The following ATG2B variants were observed in gnomAD, a reference collection of about 807,000 sequenced individuals.
The protein encoded by ATG2B is autophagy-related protein 2 homolog B.
ATG2B carries 121 observed loss-of-function variants against 241.3 expected under a neutral mutation model. That is an observed-to-expected ratio of 0.50 (90% confidence interval 0.43 to 0.58). The LOEUF (loss-of-function observed/expected upper bound fraction) is 0.58, where lower values mean the gene tolerates loss of function less well. Ranked by LOEUF, ATG2B falls within the 20% of genes least tolerant of loss-of-function variation. The pLI is 0.00. For synonymous variants in ATG2B, 858 were observed against 876.6 expected, an observed-to-expected ratio of 0.98 and a Z score of 0.37; for missense variants, 2,306 against 2,491.6, an observed-to-expected ratio of 0.93 and a Z score of 1.59.
intron 34 of ATG2B, among the ~76,000 whole-genome samples, chr14:96,297,750 T>A (rs1886686582): frequency 6.6e-6 from 1 of 152,136 alleles, no homozygotes; most frequent in East Asian, 1.9e-4. Context: ...TTGGTATTTA[T>A]GCTAAACTCT....
intron 1 of ATG2B, among the ~76,000 whole-genome samples, chr14:96,360,071 C>T (rs987329078): frequency 6.6e-6 from 1 of 152,138 alleles, no homozygotes; most frequent in Admixed American, 6.5e-5. Context: ...TAGAATAAAA[C>T]CAGACCTTTA....
In ATG2B at chr14:96,317,135, T is replaced by G. The variant is rs1284236562; in HGVS notation, c.3210+10A>C. The G allele has an allele frequency of 6.3e-7, 1 of 1,593,300 alleles. No homozygotes were observed. The highest frequency in any genetic ancestry group is 8.6e-7 in the Non-Finnish European group (1 of 1,169,318). ...CATTTGAAAAAACACTTCGGATTTG[T>G]AAACCTCACCTTCACATCTGTGAAC... On this transcript the variant is annotated intron_variant, in intron 20 of 41. Transcript: ENST00000359933.
At position 96,285,487 on chromosome 14, in the gene ATG2B, A is replaced by T; in HGVS notation, c.*268T>A. 1 of 464,722 alleles carries T rather than the reference A, an allele frequency of 2.2e-6. No homozygotes were observed. Among genetic ancestry groups the T allele is most frequent in the South Asian group, 2.6e-5 (1 of 39,184 alleles). 28.8% of individuals were successfully genotyped at this position (464,722 alleles called of 1,614,324 possible). ...TAACAAGGAGAATTACAGTCATCTT[A>T]ACAAAAGTGAGCCTTCCACTAACTT... On this transcript the variant is annotated 3_prime_UTR_variant, in exon 42 of 42. Transcript: ENST00000359933. This position sits in a 1 kb window ranked among gnomAD's most constrained non-coding sequence, Gnocchi z 4.2.
chr14:96,298,537 A>T lies in ATG2B; in HGVS notation c.5140-2977T>A, dbSNP rs540795553. Among the ~76,000 whole-genome samples the T allele has an allele frequency of 5.3e-5, 8 of 152,354 alleles. No homozygotes were observed. The South Asian group carries it at 1.7e-3, about 32-fold the overall frequency. The stretch of plus-strand genomic sequence containing the variant: ...AAAACCATGGAACAACCTCAGTGTG[A>T]ACCAGCAGGTAAACAGATAAACCGT... On this transcript the variant is annotated intron_variant, in intron 34 of 41. Coordinates refer to ENST00000359933, the MANE Select transcript of ATG2B (RefSeq NM_018036.7).
At chr14:96,330,530 G>A (rs1415735998) in intron 11 of ATG2B, among the ~76,000 whole-genome samples, 3 of 151,880 alleles carry the variant, frequency 2.0e-5, no homozygotes, top group South Asian at 4.2e-4. Context: ...TTGGGAGACC[G>A]AGGCAGGTGG....
chr14:96,312,924 G>A, intron 25 of ATG2B, 141 bp downstream of exon 25: 1 of 452,268 alleles, frequency 2.2e-6, no homozygotes, highest in Non-Finnish European at 3.9e-6. Context: ...GAAAAATTGG[G>A]TAATTTGGGT....
chr14:96,295,457 C>T lies in ATG2B; in HGVS notation c.5218+25G>A, dbSNP rs942346199. ...AATCAATCCAAGTACTTGGTATAGT[C>T]TTTTCAACTATACATATTTAATACC... On this transcript the variant is annotated intron_variant, in intron 35 of 41. Coordinates refer to ENST00000359933, the MANE Select transcript of ATG2B (RefSeq NM_018036.7). 4.1e-6 allele frequency: 6 copies of T among 1,468,520 alleles called. No homozygotes were observed. In the African/African-American group the frequency reaches 8.5e-5, roughly 21 times the overall value. The allele number at this position is 1,468,520 out of a possible 1,614,324, so 91.0% of individuals were successfully genotyped here. A position where few individuals can be genotyped will look rare whatever the true frequency, so the allele number is the denominator to read the frequency against.
chr14:96,345,057 C>A (rs978163706), intron 3 of ATG2B, among the ~76,000 whole-genome samples, 176 bp downstream of exon 3: 14 of 150,320 alleles, frequency 9.3e-5, no homozygotes, highest in Non-Finnish European at 1.5e-4. Flanking sequence ...AAAAAAAAAA[C>A]AACATGCAAT....
Position 96,332,570 on chromosome 14 carries a change from C to T in ATG2B, c.1293G>A (p.Met431Ile). ...TACTAGTTAATGATAACTCAAGGTC[C>T]ATGTTTGGGGGGTCCCCAAGGGGTG... ...SLPPLGDPPN[M>I]DLELSLTSTY... is the part of the protein sequence containing the mutation. Residue 431 changes from methionine (M) to isoleucine (I), a missense_variant, in exon 9 of 42, where the codon ATG (methionine) becomes ATA (isoleucine). This residue lies in a region of ATG2B where 1,927 missense variants were observed against 2,011.2 expected (regional missense o/e 0.96). Coordinates refer to ENST00000359933, the MANE Select transcript of ATG2B (RefSeq NM_018036.7). 6.2e-7 allele frequency: 1 copy of T among 1,611,184 alleles called. No individual in the cohort carries two copies. Among genetic ancestry groups the T allele is most frequent in the Non-Finnish European group, 8.5e-7 (1 of 1,178,936 alleles).
chr14:96,353,881 G>A (rs1178838580), intron 1 of ATG2B, among the ~76,000 whole-genome samples: 2 of 151,954 alleles, frequency 1.3e-5, no homozygotes, highest in African/African-American at 2.4e-5. Context: ...AAAAAGACAC[G>A]ATGTTAAATT....
At chr14:96,341,925 G>T (rs907498399) in intron 5 of ATG2B, among the ~76,000 whole-genome samples, 11 of 151,942 alleles carry the variant, frequency 7.2e-5, no homozygotes, top group Non-Finnish European at 1.3e-4. Flanking sequence ...AGGACTTCAT[G>T]AAAAAAAGCA....
chr14:96,292,090 C>A lies in ATG2B; in HGVS notation c.5435G>T (p.Arg1812Ile). The A allele has an allele frequency of 6.3e-7, 1 of 1,585,870 alleles. No homozygotes were observed. Among genetic ancestry groups the A allele is most frequent in the East Asian group, 2.3e-5 (1 of 43,586 alleles). The part of the protein sequence containing the change: ...RDQPVFFREF[R>I]FTSEVPIRLD... ...TCGAATGGGAACTTCTGACGTGAAT[C>A]TAAATTCTCTGAAGATAAAGGAAGG... Residue 1812 changes from arginine (R) to isoleucine (I), a missense_variant, in exon 37 of 42, where the codon AGA (arginine) becomes ATA (isoleucine). By Grantham distance (97) the Arg-to-Ile change is moderately conservative (BLOSUM62 -3). Transcript: ENST00000359933.
chr14:96,334,364 A>T (rs943502657), intron 7 of ATG2B, 41 bp downstream of exon 7: 1 of 1,359,218 alleles, frequency 7.4e-7, no homozygotes, highest in African/African-American at 1.5e-5. Flanking sequence ...TTTAAAATTT[A>T]AAAAAGTAAC....
chr14:96,318,589 G>C (rs1887377766), intron 18 of ATG2B, among the ~76,000 whole-genome samples: 1 of 152,042 alleles, frequency 6.6e-6, no homozygotes, highest in African/African-American at 2.4e-5. Context: ...AATGCATATG[G>C]AGCAAAAAAT....
At position 96,332,623 on chromosome 14, in the gene ATG2B, C is replaced by T. The variant is rs1233618803; in HGVS notation, c.1240G>A (p.Asp414Asn). Residue 414 changes from aspartate (D) to asparagine (N), a missense_variant, in exon 9 of 42, where the codon GAC becomes AAC. Around this residue, in one of 2 missense-constraint regions of ATG2B, gnomAD observed 1,927 missense variants for 2,011.2 expected, o/e 0.96. Coordinates refer to ENST00000359933, the MANE Select transcript of ATG2B (RefSeq NM_018036.7). ...EEVFFSMADMDMSHSLSSLPP... is the reference protein window; with the variant it reads ...EEVFFSMADMNMSHSLSSLPP... ...AGAGAAGAGAGACTATGAGACATGT[C>T]CATATCAGCCATGGAGAAGAATACT... The T allele has an allele frequency of 4.4e-6, 7 of 1,587,318 alleles. No individual in the cohort carries two copies. The highest frequency in any genetic ancestry group is 6.0e-6 in the Non-Finnish European group (7 of 1,171,904).
chr14:96,362,390 T>TA (rs1245521230), intron 1 of ATG2B, among the ~76,000 whole-genome samples: 4 of 151,922 alleles, frequency 2.6e-5, no homozygotes, highest in Non-Finnish European at 5.9e-5. Context: ...CCAAAACAAA[T>TA]AACTAGGGAT....
chr14:96,326,138 A>G (rs1260506725), intron 14 of ATG2B, among the ~76,000 whole-genome samples: 1 of 152,224 alleles, frequency 6.6e-6, no homozygotes, highest in Non-Finnish European at 1.5e-5. Flanking sequence ...GGCAAAAGTT[A>G]AACTCTGAAA....
At chr14:96,315,101 G>T in intron 23 of ATG2B, 53 bp downstream of exon 23, 3 of 1,327,508 alleles carry the variant, frequency 2.3e-6, no homozygotes, top group African/African-American at 1.5e-5. Flanking sequence ...ATGTGTATTA[G>T]ATGTCAACAC....
chr14:96,317,947 C>T (rs1887360085), intron 18 of ATG2B, 92 bp from the exon 19 acceptor site: 4 of 982,858 alleles, frequency 4.1e-6, no homozygotes, highest in Admixed American at 2.8e-5. Flanking sequence ...ATCGTATGAA[C>T]AATAATTTTT....
Sources: gnomAD v4.1 joint callset for allele counts (sites outside exome capture counted in the v4.1 genomes callset) on GRCh38, gnomAD v4.1.1 for gene constraint, gnomAD v4.1.1 regional missense constraint, Gnocchi (gnomAD v3.1) non-coding constraint, MANE v1.5 for transcripts, NCBI Gene and HGNC (gene_info 2026-07-23, HGNC 2026-07-21) for gene names.